The following NUTM1 variants were observed in gnomAD, a reference collection of about 807,000 sequenced individuals.
NUTM1 encodes NUT midline carcinoma family member 1.
In NUTM1, 39 loss-of-function variants were observed where a neutral mutation model predicts 88.7. The ratio of observed to expected loss-of-function variants is 0.44; its 90% CI spans 0.34 to 0.57. The LOEUF (loss-of-function observed/expected upper bound fraction) is 0.57, where lower values mean the gene tolerates loss of function less well. Ranked by LOEUF, NUTM1 falls within the 20% of genes least tolerant of loss-of-function variation. The pLI, the probability that NUTM1 is intolerant of heterozygous loss-of-function variation, is 0.01. For synonymous variants in NUTM1, 494 were observed against 538.0 expected (o/e 0.92, Z 1.13); for missense variants, 1,350 against 1,414.5 (o/e 0.95, Z 0.73).
chr15:34,352,447 A>G (rs1890725437), intron 4 of NUTM1, among the ~76,000 whole-genome samples: 1 of 151,996 alleles, frequency 6.6e-6, no homozygotes, highest in South Asian at 2.1e-4. Context: ...ATTAAGTTAA[A>G]CAAGCCTATA....
rs770618494 is a variant in NUTM1 at position 34,345,942 on chromosome 15, G to A, written c.7G>A (p.Val3Ile). The change falls in exon 2 of 8, where the codon GTT becomes ATT. Residue 3 changes from valine (V) to isoleucine (I), a missense_variant and splice_region_variant. Val to Ile is a conservative substitution (Grantham distance 29, BLOSUM62 3). Around this residue, in one of 5 missense-constraint regions of NUTM1, gnomAD observed 399 missense variants for 397.9 expected, o/e 1.00. Transcript: ENST00000537011. The stretch of plus-strand genomic sequence containing the variant: ...ATCCCTGTGCACCTACTGGAGCCAG[G>A]TTACTCTGGGTCCTGGACCTGACTG... The part of the protein sequence containing the change: MV[V>I]TLGPGPDCLI... 6.2e-7 allele frequency: 1 copy of A among 1,613,916 alleles called. No individual in the cohort carries two copies. The highest frequency in any genetic ancestry group is 1.1e-5 in the South Asian group (1 of 91,076).
At position 34,348,311 on chromosome 15, in the gene NUTM1, G is replaced by T; in HGVS notation, c.443G>T (p.Gly148Val). 1.2e-6 allele frequency: 2 copies of T among 1,614,212 alleles called. No individual in the cohort carries two copies. The highest frequency in any genetic ancestry group is 1.7e-6 in the Non-Finnish European group (2 of 1,180,040). The change falls in exon 3 of 8, where the codon GGC becomes GTC. Residue 148 changes from glycine (G) to valine (V), a missense_variant. Around this residue, in one of 5 missense-constraint regions of NUTM1, gnomAD observed 399 missense variants for 397.9 expected, o/e 1.00. Coordinates refer to ENST00000537011, the MANE Select transcript of NUTM1 (RefSeq NM_001284292.2). ...ACTGCCCTCAATTCGACTGCCCCGGGCACTCCCTGTGGAGGCCTTGAGGGT... is the reference window on the plus strand; with the variant it reads ...ACTGCCCTCAATTCGACTGCCCCGGTCACTCCCTGTGGAGGCCTTGAGGGT... Reference protein sequence around the residue: ...TQTALNSTAPGTPCGGLEGPA... With the variant: ...TQTALNSTAPVTPCGGLEGPA...
intron 4 of NUTM1, 103 bp from the exon 5 acceptor site, chr15:34,353,633 C>A: frequency 6.9e-7 from 1 of 1,439,658 alleles, no homozygotes; most frequent in Non-Finnish European, 9.6e-7. Flanking sequence ...ACTTTGCCCA[C>A]CTGAGAGCAC....
At chr15:34,343,731 T>A (rs1161036978) in intron 1 of NUTM1, 29 bp downstream of exon 1, 1 of 1,530,966 alleles carries the variant, frequency 6.5e-7, no homozygotes, top group Admixed American at 2.0e-5. Context: ...CGTAATAAAG[T>A]GCACCTTCTA....
chr15:34,357,482 T>C lies in NUTM1; in HGVS notation c.3474T>C (p.Arg1158=). Residue 1158 remains arginine, a synonymous_variant, in exon 8 of 8, where the codon CGT becomes CGC. Transcript: ENST00000537011. The stretch of plus-strand genomic sequence containing the variant: ...CGGGCAGAAGGAAGAAACGACGTCG[T>C]AGCCAGTAGGGAGCAGCGGGACCAT... ...FVTGRRKKRR[R]SQ is the part of the protein sequence containing the mutation. 1 of 1,612,818 alleles carries C rather than the reference T, an allele frequency of 6.2e-7. No individual in the cohort carries two copies. Among genetic ancestry groups the C allele is most frequent in the Non-Finnish European group, 8.5e-7 (1 of 1,179,522 alleles).
In NUTM1 at chr15:34,354,500, G is replaced by A. The variant is rs367935803; in HGVS notation, c.1130G>A (p.Arg377His). The change falls in exon 6 of 8, where the codon CGT (arginine) becomes CAT (histidine). Residue 377 changes from arginine (R) to histidine (H), a missense_variant. Physicochemically the swap from Arg to His is conservative, Grantham distance 29 (BLOSUM62 0). Around this residue, in one of 5 missense-constraint regions of NUTM1, gnomAD observed 89 missense variants for 76.0 expected, o/e 1.17. Transcript: ENST00000537011. ...ACACGGGCCCCCCGCCGGCGTCAGCGTAAAGCCCAGAGACCTCCTGCTCCT... is the reference window on the plus strand; with the variant it reads ...ACACGGGCCCCCCGCCGGCGTCAGCATAAAGCCCAGAGACCTCCTGCTCCT... ...SKTRAPRRRQ[R>H]KAQRPPAPEA... is the part of the protein sequence containing the mutation. 54 of 1,614,070 alleles carry A rather than the reference G, an allele frequency of 3.3e-5. No homozygotes were observed. Among genetic ancestry groups the A allele is most frequent in the African/African-American group, 4.0e-5 (3 of 74,922 alleles).
rs149556902 is a variant in NUTM1, at chr15:34,349,189, G to T, written c.809+512G>T. 2.0e-3 allele frequency among the ~76,000 whole-genome samples: 299 copies of T among 152,286 alleles called. 4 individuals are homozygous for T. Among genetic ancestry groups the T allele is most frequent in the African/African-American group, 6.7e-3 (280 of 41,560 alleles). On this transcript the variant is annotated intron_variant, in intron 3 of 7. Transcript: ENST00000537011. ...CTCCCTCCACTCATTTTATTCAGGA[G>T]AATTCACTTTGAAATAGGGTGGTGG...
intron 2 of NUTM1, among the ~76,000 whole-genome samples, chr15:34,346,881 T>TAAAAA (rs10671676): frequency 0.045 from 1,536 of 34,310 alleles, 635 homozygotes; most frequent in African/African-American, 0.15. Context: ...AGACTCCATC[T>TAAAAA]AAAAAAAAAA....
chr15:34,352,842 C>T (rs1383950388), intron 4 of NUTM1, among the ~76,000 whole-genome samples: 2 of 147,466 alleles, frequency 1.4e-5, no homozygotes, highest in Non-Finnish European at 3.0e-5. Context: ...CTCACTGTGT[C>T]CAAGAGAAGT....
rs1343287995 is a variant in NUTM1 at position 34,356,521 on chromosome 15, G to A, written c.2513G>A (p.Arg838Lys). The change falls in exon 8 of 8, where the codon AGG (arginine) becomes AAG (lysine). Residue 838 changes from arginine (R) to lysine (K), a missense_variant. By Grantham distance (26) the Arg-to-Lys change is conservative. Transcript: ENST00000537011. ...TATTGCAGCTTGCCAGGACCTTTGA[G>A]GGCCAACAGCCCACCCTTGAGGTCC... The part of the protein sequence containing the change: ...RNYCSLPGPL[R>K]ANSPPLRSKE... The A allele has an allele frequency of 6.2e-7, 1 of 1,614,006 alleles. No individual in the cohort carries two copies. The highest frequency in any genetic ancestry group is 8.5e-7 in the Non-Finnish European group (1 of 1,179,980).
At position 34,356,389 on chromosome 15, in the gene NUTM1, GCAA is replaced by G; in HGVS notation, c.2384_2386del (p.Asn795del). On this transcript the variant is annotated inframe_deletion, in exon 8 of 8. Transcript: ENST00000537011. The stretch of plus-strand genomic sequence containing the variant: ...GGCTGCCAGGGACTGGGCTCCAGGG[GCAA>G]CATTTCCCTGGGTCCTGGAGAAACC... The G allele has an allele frequency of 6.2e-7, 1 of 1,612,714 alleles. No individual in the cohort carries two copies.
chr15:34,357,086 C>T lies in NUTM1; in HGVS notation c.3078C>T (p.Asp1026=), dbSNP rs774383867. Residue 1026 remains aspartate (D), a synonymous_variant, in exon 8 of 8, where the codon GAC becomes GAT. Transcript: ENST00000537011. ...TTAGTAAAACACACAGGTCAGCAGACAGGGCCAAAGGAAAGGAGAAAAAGA... is the reference window on the plus strand; with the variant it reads ...TTAGTAAAACACACAGGTCAGCAGATAGGGCCAAAGGAAAGGAGAAAAAGA... ...TSVSKTHRSA[D]RAKGKEKKKK... 1.2e-6 allele frequency: 2 copies of T among 1,613,910 alleles called. No individual in the cohort carries two copies. The highest frequency in any genetic ancestry group is 8.5e-7 in the Non-Finnish European group (1 of 1,180,010).
chr15:34,354,961 C>T (rs1890774355), intron 6 of NUTM1, 60 bp from the exon 7 acceptor site: 2 of 1,310,226 alleles, frequency 1.5e-6, no homozygotes, highest in East Asian at 2.3e-5. Flanking sequence ...TTCTGTAAAG[C>T]CCCTTGTTTC....
At chr15:34,349,704 G>A (rs1890672198) in intron 3 of NUTM1, among the ~76,000 whole-genome samples, 1 of 152,144 alleles carries the variant, frequency 6.6e-6, no homozygotes, top group Admixed American at 6.6e-5. Flanking sequence ...TCTTCCAGTG[G>A]CTGAACTCCT....
At chr15:34,351,798 C>T (rs1030378136) in intron 4 of NUTM1, among the ~76,000 whole-genome samples, 4 of 150,942 alleles carry the variant, frequency 2.7e-5, no homozygotes, top group Non-Finnish European at 4.4e-5. Context: ...CTGGAAGAGC[C>T]GGGGAAAGCC....
In NUTM1 at chr15:34,355,722, C is replaced by T; in HGVS notation, c.1714C>T (p.Leu572=). 7 of 1,613,276 alleles carry T rather than the reference C, an allele frequency of 4.3e-6. No individual in the cohort carries two copies. The highest frequency in any genetic ancestry group is 5.9e-6 in the Non-Finnish European group (7 of 1,179,554). The change falls in exon 8 of 8, where the codon CTA becomes TTA. Residue 572 remains leucine, a synonymous_variant. Transcript: ENST00000537011. The surrounding 1 kb of genome is among the most constrained non-coding windows in gnomAD (Gnocchi z 4.3). Reference sequence around the variant, plus strand: ...AGTGCATGGTGGGCAGGAGCAAGCCCTAGATAGCCCCAGAGGGATGCACAG... The same window carrying T: ...AGTGCATGGTGGGCAGGAGCAAGCCTTAGATAGCCCCAGAGGGATGCACAG... ...REVHGGQEQA[L]DSPRGMHRDG... is the part of the protein sequence containing the mutation.
intron 1 of NUTM1, 76 bp from the exon 2 acceptor site, chr15:34,345,866 A>C (rs781753284): frequency 3.9e-6 from 6 of 1,554,076 alleles, no homozygotes; most frequent in Non-Finnish European, 5.2e-6. Flanking sequence ...GAATGCCTTG[A>C]GTTCCGTATT....
chr15:34,349,432 C>A (rs1890667217), intron 3 of NUTM1, among the ~76,000 whole-genome samples: 3 of 152,282 alleles, frequency 2.0e-5, no homozygotes, highest in Middle Eastern at 3.4e-3. Context: ...TTATTATTAT[C>A]CTAAAAAGGC....
intron 2 of NUTM1, 96 bp downstream of exon 2, chr15:34,346,131 C>T: frequency 1.6e-6 from 2 of 1,268,760 alleles, no homozygotes; most frequent in South Asian, 1.2e-5. Context: ...AGGTGCTACA[C>T]CCCGTCAAAG....
Sources: allele counts gnomAD v4.1 joint callset (sites outside exome capture counted in the v4.1 genomes callset), GRCh38; gene constraint gnomAD v4.1.1; regional missense constraint gnomAD v4.1.1; non-coding constraint Gnocchi (gnomAD v3.1); transcripts MANE v1.5; gene names NCBI Gene and HGNC (gene_info 2026-07-23, HGNC 2026-07-21).